The following FAM135B variants were observed in gnomAD, a reference collection of about 807,000 sequenced individuals.
FAM135B encodes the protein family with sequence similarity 135 member B.
In FAM135B, 43 loss-of-function variants were observed where a neutral mutation model predicts 127.7. The observed-to-expected ratio is 0.34, with a 90% CI of 0.26 to 0.43. The LOEUF (loss-of-function observed/expected upper bound fraction) is 0.43, where lower values mean the gene tolerates loss of function less well. Ranked by LOEUF, FAM135B falls within the 20% of genes least tolerant of loss-of-function variation. The probability of loss-of-function intolerance (pLI) is 1.00; values close to 1 mark genes in which losing one functional copy is unlikely to be tolerated. For missense variants in FAM135B, 1,558 were observed against 1,725.6 expected, an observed-to-expected ratio of 0.90 and a Z score of 1.72; for synonymous variants, 670 against 665.1, an observed-to-expected ratio of 1.01 and a Z score of -0.11.
At chr8:138,303,366 A>G (rs1305846964) in intron 3 of FAM135B, among the ~76,000 whole-genome samples, 4 of 152,150 alleles carry the variant, frequency 2.6e-5, no homozygotes, top group African/African-American at 9.7e-5. Flanking sequence ...GCTCTCACTC[A>G]TAAGTGGGAG....
intron 9 of FAM135B, among the ~76,000 whole-genome samples, chr8:138,184,221 G>T (rs1815346270): frequency 6.6e-6 from 1 of 152,194 alleles, no homozygotes; most frequent in Non-Finnish European, 1.5e-5. Flanking sequence ...CCCCCTGAAG[G>T]TCTGAAATAC....
In FAM135B at chr8:138,197,590, T is replaced by C; in HGVS notation, c.749A>G (p.His250Arg). 3 of 1,613,946 alleles carry C rather than the reference T, an allele frequency of 1.9e-6. No individual in the cohort carries two copies. Among genetic ancestry groups the C allele is most frequent in the Non-Finnish European group, 2.5e-6 (3 of 1,179,966 alleles). ...GTGGAGACGGAGACCCCGGTAAGCGTGGAGGAGCAACAGGCACAGGTCTCG... is the reference window on the plus strand; with the variant it reads ...GTGGAGACGGAGACCCCGGTAAGCGCGGAGGAGCAACAGGCACAGGTCTCG... The part of the protein sequence containing the change: ...WHRDLCLLLL[H>R]AYRGLRLHFL... Residue 250 changes from histidine (H) to arginine (R), a missense_variant, in exon 8 of 20, where the codon CAC becomes CGC. Physicochemically the swap from His to Arg is conservative, Grantham distance 29. Coordinates refer to ENST00000395297, the MANE Select transcript of FAM135B (RefSeq NM_015912.4).
In FAM135B at chr8:138,310,713, C is replaced by T. The variant is rs1587046235; in HGVS notation, c.157+128G>A. The T allele has an allele frequency of 1.4e-5, 11 of 767,514 alleles. No individual in the cohort carries two copies. The East Asian group carries it at 3.2e-4, about 22-fold the overall frequency. 47.5% of individuals were successfully genotyped at this position (767,514 alleles called of 1,614,324 possible). On this transcript the variant is annotated intron_variant, in intron 3 of 19. Coordinates refer to ENST00000395297, the MANE Select transcript of FAM135B (RefSeq NM_015912.4). ...GTTGGTTTCCATTTCCAAAATTCGC[C>T]ATCCAACATTCACCACAGATTGACT...
At chr8:138,363,974 T>C (rs986158908) in intron 2 of FAM135B, among the ~76,000 whole-genome samples, 3 of 152,082 alleles carry the variant, frequency 2.0e-5, no homozygotes, top group African/African-American at 7.2e-5. Flanking sequence ...CCCAAAGACC[T>C]TGTAGAGCAC....
chr8:138,197,494 T>C, intron 8 of FAM135B, 22 bp downstream of exon 8: 1 of 1,606,748 alleles, frequency 6.2e-7, no homozygotes, highest in Non-Finnish European at 8.5e-7. Flanking sequence ...GGGATGGGCT[T>C]GCCCCTGTCC....
chr8:138,136,798 A>C (rs1016768308), intron 19 of FAM135B, among the ~76,000 whole-genome samples: 21 of 152,024 alleles, frequency 1.4e-4, no homozygotes, highest in Admixed American at 1.3e-3. Flanking sequence ...GACTTATCAC[A>C]TTTTACTCTC....
intron 1 of FAM135B, chr8:138,450,621 T>C (rs1836433085): frequency 6.6e-6 from 1 of 152,200 alleles, no homozygotes; most frequent in Non-Finnish European, 1.5e-5. Flanking sequence ...TCTTTTCATA[T>C]GGTTATTTGC....
chr8:138,169,696 G>A (rs777270265), intron 11 of FAM135B, among the ~76,000 whole-genome samples: 4 of 152,134 alleles, frequency 2.6e-5, no homozygotes, highest in Admixed American at 6.5e-5. Flanking sequence ...TAGAAAATAT[G>A]CTGAGCACCT....
At chr8:138,222,979 C>G (rs1819149247) in intron 7 of FAM135B, among the ~76,000 whole-genome samples, 1 of 152,128 alleles carries the variant, frequency 6.6e-6, no homozygotes, top group African/African-American at 2.4e-5. Context: ...CTGTCGGGGA[C>G]ATGAGCCTCC....
intron 7 of FAM135B, among the ~76,000 whole-genome samples, chr8:138,201,853 C>A (rs1008554574): frequency 1.3e-5 from 2 of 152,080 alleles, no homozygotes; most frequent in Non-Finnish European, 2.9e-5. Context: ...CCACTGAGTG[C>A]AGTGGCTCAG....
chr8:138,442,376 A>G (rs1370640158), intron 1 of FAM135B, among the ~76,000 whole-genome samples: 1 of 150,814 alleles, frequency 6.6e-6, no homozygotes, highest in Non-Finnish European at 1.5e-5. Flanking sequence ...GTTCAACATG[A>G]AACATTTAAT....
At chr8:138,212,364 C>A (rs972846927) in intron 7 of FAM135B, among the ~76,000 whole-genome samples, 10 of 152,110 alleles carry the variant, frequency 6.6e-5, no homozygotes, top group African/African-American at 2.2e-4. Context: ...GGCAACCGTA[C>A]TATACAAATA....
chr8:138,134,782 C>A (rs114297297), intron 19 of FAM135B, among the ~76,000 whole-genome samples: 1 of 151,954 alleles, frequency 6.6e-6, no homozygotes, highest in Non-Finnish European at 1.5e-5. Context: ...CTTTGATGTC[C>A]GTGTAAAAAT....
intron 3 of FAM135B, 131 bp downstream of exon 3, chr8:138,310,710 C>T (rs556297753): frequency 2.9e-5 from 21 of 728,132 alleles, no homozygotes; most frequent in East Asian, 5.9e-5. Flanking sequence ...TTCCAAAATT[C>T]GCCATCCAAC....
intron 3 of FAM135B, among the ~76,000 whole-genome samples, chr8:138,305,214 C>T (rs1210451383): frequency 6.6e-6 from 1 of 152,186 alleles, no homozygotes; most frequent in Non-Finnish European, 1.5e-5. Flanking sequence ...ATTACAAAAA[C>T]TAATGATGGC....
At chr8:138,212,294 T>C (rs1439301609) in intron 7 of FAM135B, among the ~76,000 whole-genome samples, 1 of 151,996 alleles carries the variant, frequency 6.6e-6, no homozygotes, top group Non-Finnish European at 1.5e-5. Context: ...AACTCTAAAG[T>C]AGAAAGAGGG....
In FAM135B at chr8:138,165,827, G is replaced by C. The variant is rs534688042; in HGVS notation, c.1258+2068C>G. 8.5e-5 allele frequency among the ~76,000 whole-genome samples: 13 copies of C among 152,282 alleles called. 1 individual carries two copies. The highest frequency in any genetic ancestry group is 2.6e-4 in the Admixed American group (4 of 15,292). ...AGTTGGTTTGGAGGCTCTCTGGCCT[G>C]TACACTTTATAACTGCCATACACTA... On this transcript the variant is annotated intron_variant, in intron 12 of 19. Coordinates refer to ENST00000395297, the MANE Select transcript of FAM135B (RefSeq NM_015912.4).
chr8:138,199,241 G>A (rs568163414), intron 7 of FAM135B, among the ~76,000 whole-genome samples: 15 of 152,264 alleles, frequency 9.9e-5, no homozygotes, highest in East Asian at 3.9e-4. Flanking sequence ...TCTAACCACC[G>A]TACCACAATG....
chr8:138,443,205 C>G (rs1249056548), intron 1 of FAM135B, among the ~76,000 whole-genome samples: 1 of 152,158 alleles, frequency 6.6e-6, no homozygotes, highest in Non-Finnish European at 1.5e-5. Flanking sequence ...CAGATTTTAT[C>G]AATCCCCCCA....
Sources: gnomAD v4.1 joint callset for allele counts (sites outside exome capture counted in the v4.1 genomes callset) on GRCh38, gnomAD v4.1.1 for gene constraint, MANE v1.5 for transcripts, NCBI Gene and HGNC (gene_info 2026-07-23, HGNC 2026-07-21) for gene names.